Variants in FNDC3A observed in about 807,000 individuals in gnomAD.
FNDC3A encodes the protein fibronectin type III domain containing 3A.
In FNDC3A, 32 loss-of-function variants were observed where a neutral mutation model predicts 148.9. That is an observed-to-expected ratio of 0.21 (90% CI 0.16 to 0.29). The LOEUF is 0.29. FNDC3A is among the 10% of genes least tolerant of loss of function. The pLI is 1.00. For missense variants in FNDC3A, 1,191 were observed against 1,452.8 expected (o/e 0.82, Z 2.93); for synonymous variants, 472 against 473.6 (o/e 1.00, Z 0.04).
intron 25 of FNDC3A, among the ~76,000 whole-genome samples, chr13:49,203,853 T>A (rs920317172): frequency 6.6e-6 from 1 of 151,530 alleles, no homozygotes; most frequent in African/African-American, 2.4e-5. Flanking sequence ...AAGGGAAGAG[T>A]TGATAAGGTC....
intron 3 of FNDC3A, among the ~76,000 whole-genome samples, chr13:49,100,967 A>G (rs749865456): frequency 1.3e-5 from 2 of 152,150 alleles, no homozygotes; most frequent in Non-Finnish European, 2.9e-5. Context: ...TCGACATCTT[A>G]GTATAAGTAA....
At chr13:48,975,617 C>A (rs573740223), upstream of FNDC3A, 1 of 152,334 alleles carries the variant, frequency 6.6e-6, no homozygotes, top group East Asian at 1.9e-4. Context: ...TCTCTAGGAA[C>A]CTCCATTAAC....
chr13:49,173,240 A>G (rs7139921), intron 11 of FNDC3A, among the ~76,000 whole-genome samples: 1,658 of 152,356 alleles, frequency 0.011, 35 homozygotes, highest in African/African-American at 0.037. Context: ...AATTCCATTG[A>G]TAAGTTGGGA....
At chr13:49,159,248 A>G (rs961688334) in intron 8 of FNDC3A, among the ~76,000 whole-genome samples, 2 of 152,186 alleles carry the variant, frequency 1.3e-5, no homozygotes, top group Non-Finnish European at 2.9e-5. Context: ...CTTCCTATCC[A>G]TGAGCATGGA....
At chr13:49,079,130 G>A (rs1878306659) in intron 3 of FNDC3A, among the ~76,000 whole-genome samples, 1 of 152,182 alleles carries the variant, frequency 6.6e-6, no homozygotes, top group African/African-American at 2.4e-5. Context: ...CTCAGATTTT[G>A]TGAGTTACAG....
At chr13:49,198,982 A>G (rs1886293077) in intron 23 of FNDC3A, among the ~76,000 whole-genome samples, 1 of 152,156 alleles carries the variant, frequency 6.6e-6, no homozygotes, top group Admixed American at 6.5e-5. Flanking sequence ...ACCTAATCTT[A>G]GATACAAAAT....
chr13:49,053,684 G>A (rs1876017981), intron 2 of FNDC3A, among the ~76,000 whole-genome samples: 1 of 152,120 alleles, frequency 6.6e-6, no homozygotes, highest in Non-Finnish European at 1.5e-5. Context: ...CTAGGTTAAG[G>A]CGTTGTGGAG....
intron 3 of FNDC3A, among the ~76,000 whole-genome samples, chr13:49,102,569 C>G (rs1392210374): frequency 2.6e-5 from 4 of 152,194 alleles, no homozygotes; most frequent in Non-Finnish European, 4.4e-5. Context: ...CCATTTGCCA[C>G]AGAGTTCTCA....
intron 2 of FNDC3A, chr13:49,045,512 T>C (rs908875398): frequency 2.4e-5 from 6 of 252,586 alleles, no homozygotes; most frequent in Admixed American, 1.6e-4. Context: ...ATAAATTAAA[T>C]AAATAACCCT....
At chr13:49,075,842 C>T (rs1455378026) in intron 3 of FNDC3A, among the ~76,000 whole-genome samples, 2 of 131,480 alleles carry the variant, frequency 1.5e-5, no homozygotes, top group African/African-American at 2.8e-5. Flanking sequence ...CAGATCCTAC[C>T]TGTGCTTCAA....
chr13:49,068,102 G>A (rs1490410701), intron 2 of FNDC3A, among the ~76,000 whole-genome samples: 1 of 152,000 alleles, frequency 6.6e-6, no homozygotes, highest in Non-Finnish European at 1.5e-5. Context: ...GGGAGGCCGA[G>A]CTGGGCGGAT....
At chr13:49,078,044 T>C (rs1471244762) in intron 3 of FNDC3A, among the ~76,000 whole-genome samples, 1 of 152,224 alleles carries the variant, frequency 6.6e-6, no homozygotes, top group Non-Finnish European at 1.5e-5. Flanking sequence ...CTTTTCAAAT[T>C]GTTTTCAATA....
rs1021927804 is a variant in FNDC3A, at chr13:49,208,952, A to C, written c.*1557A>C. On this transcript the variant is annotated 3_prime_UTR_variant, in exon 26 of 26. Coordinates refer to ENST00000492622, the MANE Select transcript of FNDC3A (RefSeq NM_001079673.2). ...GCATGTATTGTAACAGTTTTATGTCAAATGATCTGTGCTGTAGAAAAACAT... is the reference window on the plus strand; with the variant it reads ...GCATGTATTGTAACAGTTTTATGTCCAATGATCTGTGCTGTAGAAAAACAT... The C allele has an allele frequency of 5.2e-5, 8 of 152,632 alleles. No homozygotes were observed. Among genetic ancestry groups the C allele is most frequent in the Admixed American group, 3.9e-4 (6 of 15,280 alleles). 9.5% of individuals were successfully genotyped at this position (152,632 alleles called of 1,614,324 possible).
At chr13:49,077,483 C>G (rs1878194860) in intron 3 of FNDC3A, among the ~76,000 whole-genome samples, 1 of 152,206 alleles carries the variant, frequency 6.6e-6, no homozygotes, top group African/African-American at 2.4e-5. Context: ...AGACCTAACT[C>G]TTTTCAGAGA....
chr13:48,980,344 G>T (rs1928111), intron 1 of FNDC3A, among the ~76,000 whole-genome samples: 26,721 of 152,074 alleles, frequency 0.18, 2,926 homozygotes, highest in Non-Finnish European at 0.24. Context: ...TGACAACAGA[G>T]GAGCAGGCAG....
intron 3 of FNDC3A, among the ~76,000 whole-genome samples, chr13:49,111,890 A>G (rs1294640940): frequency 6.6e-6 from 1 of 152,068 alleles, no homozygotes; most frequent in East Asian, 1.9e-4. Flanking sequence ...TTTAGCTTAC[A>G]TTTCTCTTTT....
At chr13:49,187,455 G>A in intron 16 of FNDC3A, 2 of 1,367,942 alleles carry the variant, frequency 1.5e-6, no homozygotes, top group South Asian at 2.3e-5. Flanking sequence ...CTTCATATCT[G>A]TTAATGGATG....
At position 49,045,258 on chromosome 13, in the gene FNDC3A, A is replaced by G. The variant is rs1233746158; in HGVS notation, c.100-30031A>G. 8.6e-5 allele frequency among the ~76,000 whole-genome samples: 13 copies of G among 151,848 alleles called. 1 individual carries two copies. Among genetic ancestry groups the G allele is most frequent in the Admixed American group, 7.9e-4 (12 of 15,222 alleles). On this transcript the variant is annotated intron_variant, in intron 2 of 25. Transcript: ENST00000492622. Reference sequence around the variant, plus strand: ...AACCTCTGTCTCCCAGGTTCAAGCAATTCTTCTGCCTCAGTCTCCCGAGTA... The same window carrying G: ...AACCTCTGTCTCCCAGGTTCAAGCAGTTCTTCTGCCTCAGTCTCCCGAGTA...
At chr13:49,060,833 G>A (rs766403412) in intron 2 of FNDC3A, among the ~76,000 whole-genome samples, 5 of 151,940 alleles carry the variant, frequency 3.3e-5, no homozygotes, top group Non-Finnish European at 7.4e-5. Flanking sequence ...CCAGGGGCTC[G>A]GAATAGGGTA....
Sources: gnomAD v4.1 joint callset for allele counts (sites outside exome capture counted in the v4.1 genomes callset) on GRCh38, gnomAD v4.1.1 for gene constraint, MANE v1.5 for transcripts, NCBI Gene and HGNC (gene_info 2026-07-23, HGNC 2026-07-21) for gene names.